The following CACNG2 variants were observed in gnomAD, a reference collection of about 807,000 sequenced individuals.
The protein encoded by CACNG2 is calcium voltage-gated channel auxiliary subunit gamma 2.
A neutral mutation model predicts 25.9 loss-of-function variants in CACNG2; 3 were observed. The observed-to-expected ratio is 0.12, with a 90% CI of 0.05 to 0.30. The LOEUF is 0.30. CACNG2 is among the 10% of genes least tolerant of loss of function. The probability of loss-of-function intolerance (pLI) is 1.00; values close to 1 mark genes in which losing one functional copy is unlikely to be tolerated. For synonymous variants in CACNG2, 167 were observed against 173.3 expected (o/e 0.96, Z 0.29); for missense variants, 341 against 432.5 (o/e 0.79, Z 1.88).
At chr22:36,587,740 CAG>C (rs1407638731) in intron 1 of CACNG2, among the ~76,000 whole-genome samples, 192 bp from the exon 2 acceptor site, 3 of 152,222 alleles carry the variant, frequency 2.0e-5, no homozygotes, top group African/African-American at 7.2e-5. Flanking sequence ...CGCAGTACTG[CAG>C]AGAGGATCTA....
chr22:36,618,600 C>T (rs1422554069), intron 1 of CACNG2, among the ~76,000 whole-genome samples: 2 of 152,174 alleles, frequency 1.3e-5, no homozygotes, highest in Non-Finnish European at 2.9e-5. Context: ...AGGAGAGAGA[C>T]AACAGAATGG....
chr22:36,697,927 T>C (rs1937361198), intron 1 of CACNG2, among the ~76,000 whole-genome samples: 1 of 152,216 alleles, frequency 6.6e-6, no homozygotes, highest in Non-Finnish European at 1.5e-5. Flanking sequence ...TTCTTTCCTA[T>C]AGAGGCTGTG....
intron 1 of CACNG2, among the ~76,000 whole-genome samples, chr22:36,680,854 CCACCACCATCACCATCACTAT>C (rs1937111887): frequency 1.3e-5 from 2 of 148,868 alleles, no homozygotes; most frequent in African/African-American, 2.5e-5. Context: ...ACAATTACTA[CCACCACCATCACCATCACTAT>C]CACCACCACC....
rs1463488030 is a variant in CACNG2 at position 36,564,344 on chromosome 22, G to C, written c.*7C>G. 1 of 1,604,552 alleles carries C rather than the reference G, an allele frequency of 6.2e-7. No homozygotes were observed. Among genetic ancestry groups the C allele is most frequent in the African/African-American group, 1.3e-5 (1 of 74,526 alleles). On this transcript the variant is annotated 3_prime_UTR_variant, in exon 4 of 4. Transcript: ENST00000300105. The surrounding 1 kb of genome is among the most constrained non-coding windows in gnomAD (Gnocchi z 6.7). ...CTCCCGCGGTCTTCTGGCGAGGCCC[G>C]CGGTCTTTATACGGGGGTGGTCCGG...
intron 2 of CACNG2, among the ~76,000 whole-genome samples, chr22:36,572,049 G>A (rs1935239007): frequency 6.6e-6 from 1 of 152,130 alleles, no homozygotes; most frequent in African/African-American, 2.4e-5. Context: ...ACAAAGCCAA[G>A]CATGGTCTTG....
chr22:36,643,316 C>A (rs1601432524), intron 1 of CACNG2, among the ~76,000 whole-genome samples: 1 of 151,518 alleles, frequency 6.6e-6, no homozygotes, highest in East Asian at 1.9e-4. Context: ...TTCCTTCTCT[C>A]TCTCTTTCTC....
intron 2 of CACNG2, among the ~76,000 whole-genome samples, chr22:36,573,958 T>C (rs930995630): frequency 3.3e-5 from 5 of 151,966 alleles, no homozygotes; most frequent in African/African-American, 1.2e-4. Context: ...CATGGCTCCT[T>C]CAGAGACCTG....
At chr22:36,657,511 G>A (rs555051715) in intron 1 of CACNG2, among the ~76,000 whole-genome samples, 1 of 152,206 alleles carries the variant, frequency 6.6e-6, no homozygotes, top group Admixed American at 6.5e-5. Flanking sequence ...CCAGGAGCCC[G>A]GCTGGAGGAC....
intron 1 of CACNG2, among the ~76,000 whole-genome samples, chr22:36,694,772 G>GGT (rs1937313126): frequency 6.6e-6 from 1 of 152,134 alleles, no homozygotes; most frequent in African/African-American, 2.4e-5. Flanking sequence ...TTTCACAAAG[G>GGT]GTGGGCACCC....
intron 1 of CACNG2, among the ~76,000 whole-genome samples, chr22:36,602,985 CA>C (rs1157409475): frequency 1.2e-4 from 18 of 152,260 alleles, no homozygotes; most frequent in African/African-American, 4.3e-4. Context: ...CACTTTAAAT[CA>C]AAAGCTAGAA....
intron 1 of CACNG2, among the ~76,000 whole-genome samples, chr22:36,598,126 T>C (rs1935703315): frequency 1.3e-5 from 2 of 152,238 alleles, no homozygotes; most frequent in East Asian, 1.9e-4. Flanking sequence ...ATCACATTGA[T>C]GGTGAGCCTT....
intron 2 of CACNG2, among the ~76,000 whole-genome samples, chr22:36,570,178 G>C (rs190037493): frequency 6.6e-5 from 10 of 152,240 alleles, no homozygotes; most frequent in African/African-American, 2.2e-4. Flanking sequence ...CCAGCAGGGG[G>C]AGGGAGCGTC....
intron 1 of CACNG2, among the ~76,000 whole-genome samples, chr22:36,677,220 C>G (rs1937032333): frequency 6.6e-6 from 1 of 152,186 alleles, no homozygotes; most frequent in Admixed American, 6.5e-5. Flanking sequence ...CTTTCAGAAT[C>G]TGCAAGATCC....
At chr22:36,568,854 T>G (rs1036848979) in intron 2 of CACNG2, among the ~76,000 whole-genome samples, 40 of 147,892 alleles carry the variant, frequency 2.7e-4, no homozygotes, top group African/African-American at 9.4e-4. Context: ...CTGAGCTGCA[T>G]ATAGGGAAGC....
At chr22:36,661,424 T>A (rs1936793166) in intron 1 of CACNG2, among the ~76,000 whole-genome samples, 1 of 152,126 alleles carries the variant, frequency 6.6e-6, no homozygotes, top group Admixed American at 6.5e-5. Context: ...GGACAAATCA[T>A]CCAACTTCTC....
chr22:36,634,082 G>A (rs976968148), intron 1 of CACNG2, among the ~76,000 whole-genome samples: 1 of 152,230 alleles, frequency 6.6e-6, no homozygotes, highest in African/African-American at 2.4e-5. Flanking sequence ...ATTCAGTTGT[G>A]TATAGGCTGA....
In CACNG2 at chr22:36,563,711, C is replaced by T. The variant is rs1935068460; in HGVS notation, c.*640G>A. Reference sequence around the variant, plus strand: ...TCCTGGAGTTCCTGGGGCACCCACCCAGGGGCTCCAGGGACCTGGCAGTGA... The same window carrying T: ...TCCTGGAGTTCCTGGGGCACCCACCTAGGGGCTCCAGGGACCTGGCAGTGA... On this transcript the variant is annotated 3_prime_UTR_variant, in exon 4 of 4. Transcript: ENST00000300105. 1.3e-5 allele frequency among the ~76,000 whole-genome samples: 2 copies of T among 151,984 alleles called. No individual in the cohort carries two copies. Among genetic ancestry groups the T allele is most frequent in the Non-Finnish European group, 2.9e-5 (2 of 67,918 alleles).
intron 1 of CACNG2, among the ~76,000 whole-genome samples, chr22:36,645,399 T>C (rs1382571072): frequency 6.6e-6 from 1 of 151,926 alleles, no homozygotes; most frequent in African/African-American, 2.4e-5. Context: ...TAGCCAGGCG[T>C]TGTGGCGTGT....
intron 1 of CACNG2, among the ~76,000 whole-genome samples, chr22:36,652,741 C>A (rs1936638941): frequency 6.6e-6 from 1 of 152,120 alleles, no homozygotes; most frequent in Non-Finnish European, 1.5e-5. Flanking sequence ...CACCACCAAG[C>A]ACATAACAGG....
Sources: allele counts gnomAD v4.1 joint callset (sites outside exome capture counted in the v4.1 genomes callset), GRCh38; gene constraint gnomAD v4.1.1; non-coding constraint Gnocchi (gnomAD v3.1); transcripts MANE v1.5; gene names NCBI Gene and HGNC (gene_info 2026-07-23, HGNC 2026-07-21).